ZCCHC14: variants seen among roughly 807,000 people sequenced by gnomAD.
ZCCHC14 encodes zinc finger CCHC-type containing 14, also known as zinc finger CCHC domain-containing protein 14.
ZCCHC14 carries 16 observed loss-of-function variants against 85.0 expected under a neutral mutation model. The ratio of observed to expected loss-of-function variants is 0.19; its 90% CI spans 0.13 to 0.29. ZCCHC14 has a LOEUF of 0.29. ZCCHC14 is among the 10% of genes least tolerant of loss of function. The pLI, the probability that ZCCHC14 is intolerant of heterozygous loss-of-function variation, is 1.00. For synonymous variants in ZCCHC14, 775 were observed against 630.7 expected (o/e 1.23, Z -3.43); for missense variants, 1,303 against 1,443.5 (o/e 0.90, Z 1.58).
chr16:87,492,907 C>A lies in ZCCHC14; in HGVS notation c.-669G>T, dbSNP rs1912841679. Among the ~76,000 whole-genome samples, 2 of 147,986 alleles carry A rather than the reference C, an allele frequency of 1.4e-5. No individual in the cohort carries two copies. The highest frequency in any genetic ancestry group is 2.5e-5 in the African/African-American group (1 of 40,512). On this transcript the variant is annotated 5_prime_UTR_variant, in exon 1 of 13. Coordinates refer to ENST00000671377, the MANE Select transcript of ZCCHC14 (RefSeq NM_015144.3). This position sits in a 1 kb window ranked among gnomAD's most constrained non-coding sequence, Gnocchi z 6.7. The stretch of plus-strand genomic sequence containing the variant: ...CGCGGCGGACGGATCCGGGCCCGAG[C>A]GCGGCGGCGGCGGCGACGGCGACGG...
At chr16:87,455,928 G>A (rs1287501373) in intron 2 of ZCCHC14, among the ~76,000 whole-genome samples, 1 of 152,166 alleles carries the variant, frequency 6.6e-6, no homozygotes, top group African/African-American at 2.4e-5. Flanking sequence ...TTTAAGGTAG[G>A]CTAGGCTAAG....
intron 1 of ZCCHC14, among the ~76,000 whole-genome samples, chr16:87,476,018 G>A (rs1259644130): frequency 6.6e-6 from 1 of 152,094 alleles, no homozygotes; most frequent in African/African-American, 2.4e-5. Flanking sequence ...TGTGAGCACA[G>A]GGGAGCAGCC....
At position 87,412,798 on chromosome 16, in the gene ZCCHC14, G is replaced by C. The variant is rs758072903; in HGVS notation, c.1923C>G (p.Ile641Met). 2 of 1,613,270 alleles carry C rather than the reference G, an allele frequency of 1.2e-6. No homozygotes were observed. Among genetic ancestry groups the C allele is most frequent in the African/African-American group, 1.3e-5 (1 of 75,042 alleles). Reference sequence around the variant, plus strand: ...CGGAATTCAGCATGCGGATGGGTGTGATGTGTGAGGCTGCGCTCAGCATCT... The same window carrying C: ...CGGAATTCAGCATGCGGATGGGTGTCATGTGTGAGGCTGCGCTCAGCATCT... ...PPQMLSAASHITPIRMLNSVH... is the reference protein window; with the variant it reads ...PPQMLSAASHMTPIRMLNSVH... Residue 641 changes from isoleucine (I) to methionine (M), a missense_variant, in exon 12 of 13, where the codon ATC becomes ATG. Ile to Met is a conservative substitution (Grantham distance 10, BLOSUM62 1). Around this residue, in one of 7 missense-constraint regions of ZCCHC14, gnomAD observed 797 missense variants for 730.8 expected, o/e 1.09. Transcript: ENST00000671377.
At chr16:87,467,690 C>T (rs534478665) in intron 1 of ZCCHC14, 36 of 770,248 alleles carry the variant, frequency 4.7e-5, no homozygotes, top group Admixed American at 5.5e-5. Context: ...CTCGCTCTGT[C>T]GCCCAGGCTG....
chr16:87,453,577 G>T (rs983564964), intron 2 of ZCCHC14, among the ~76,000 whole-genome samples: 1 of 152,224 alleles, frequency 6.6e-6, no homozygotes, highest in Non-Finnish European at 1.5e-5. Context: ...CCCCAGCCAC[G>T]GTGGAGGGCC....
intron 4 of ZCCHC14, among the ~76,000 whole-genome samples, chr16:87,422,078 G>A (rs934447878): frequency 5.3e-5 from 8 of 152,174 alleles, no homozygotes; most frequent in African/African-American, 1.2e-4. Flanking sequence ...TAGTGAAAAC[G>A]ACAATATGCA....
chr16:87,477,823 G>A (rs1280176367), intron 1 of ZCCHC14, among the ~76,000 whole-genome samples: 2 of 116,216 alleles, frequency 1.7e-5, no homozygotes, highest in African/African-American at 3.3e-5. Context: ...ACACTCACAC[G>A]CCTCCACGCA....
At chr16:87,430,253 T>C (rs1173752738) in intron 3 of ZCCHC14, among the ~76,000 whole-genome samples, 2 of 152,174 alleles carry the variant, frequency 1.3e-5, no homozygotes, top group Non-Finnish European at 2.9e-5. Flanking sequence ...GGCTTGCTTC[T>C]CCTGCATACG....
At chr16:87,438,126 G>C (rs1481646326) in intron 2 of ZCCHC14, among the ~76,000 whole-genome samples, 1 of 152,236 alleles carries the variant, frequency 6.6e-6, no homozygotes, top group African/African-American at 2.4e-5. Context: ...TAGCTTAGGA[G>C]AAACTCCAAA....
intron 2 of ZCCHC14, among the ~76,000 whole-genome samples, chr16:87,458,048 C>T (rs1911060723): frequency 1.3e-5 from 2 of 151,072 alleles, no homozygotes; most frequent in African/African-American, 4.9e-5. Context: ...CTCTGGGCAC[C>T]AAAGCATGCA....
chr16:87,479,291 C>G (rs1246285730), intron 1 of ZCCHC14, among the ~76,000 whole-genome samples: 3 of 151,932 alleles, frequency 2.0e-5, no homozygotes, highest in South Asian at 2.1e-4. Flanking sequence ...TGGCGGGTGC[C>G]TGTAATCCCA....
At chr16:87,485,932 G>C (rs2334189) in intron 1 of ZCCHC14, among the ~76,000 whole-genome samples, 1 of 152,000 alleles carries the variant, frequency 6.6e-6, no homozygotes, top group Non-Finnish European at 1.5e-5. Flanking sequence ...CCTATCTCCA[G>C]TTATCTTCGC....
Position 87,491,669 on chromosome 16 carries a change from CT to C in ZCCHC14, c.569del (p.Lys190ArgfsTer37). ...GALPTCPACH[K>X]ITPRTEAPVS... is the part of the protein sequence containing the mutation. Reference sequence around the variant, plus strand: ...GGCAGAGCTCGGGGCGGGCACGCACCTTGTGGCAGGCTGGGCAAGTGGGCAG... The same window carrying C: ...GGCAGAGCTCGGGGCGGGCACGCACCTGTGGCAGGCTGGGCAAGTGGGCAG... On this transcript the variant is annotated frameshift_variant and splice_region_variant, in exon 1 of 13. Coordinates refer to ENST00000671377, the MANE Select transcript of ZCCHC14 (RefSeq NM_015144.3). LOFTEE classifies it high-confidence loss of function. This position sits in a 1 kb window ranked among gnomAD's most constrained non-coding sequence, Gnocchi z 5.9. 1 of 1,416,596 alleles carries C rather than the reference CT, an allele frequency of 7.1e-7. No homozygotes were observed. Among genetic ancestry groups the C allele is most frequent in the Non-Finnish European group, 9.2e-7 (1 of 1,091,598 alleles). 87.8% of individuals were successfully genotyped at this position (1,416,596 alleles called of 1,614,324 possible).
At chr16:87,410,964 C>T (rs1347045511) in intron 12 of ZCCHC14, among the ~76,000 whole-genome samples, 1 of 152,204 alleles carries the variant, frequency 6.6e-6, no homozygotes, top group Non-Finnish European at 1.5e-5. Flanking sequence ...CCAAAACAGA[C>T]AGCAAGAAGA....
intron 7 of ZCCHC14, among the ~76,000 whole-genome samples, chr16:87,418,611 G>C (rs1043031517): frequency 6.6e-6 from 1 of 152,214 alleles, no homozygotes; most frequent in Non-Finnish European, 1.5e-5. Context: ...CTACGTCTAT[G>C]ATGGGGCCCA....
chr16:87,456,720 A>C (rs1480161262), intron 2 of ZCCHC14, among the ~76,000 whole-genome samples: 1 of 152,026 alleles, frequency 6.6e-6, no homozygotes, highest in East Asian at 1.9e-4. Flanking sequence ...ACATTCATTT[A>C]AAATAATTTT....
rs60817141 is a variant in ZCCHC14, at chr16:87,456,533, C to CAAAAAAAAAAAAAAA, written c.694+3460_694+3474dup. On this transcript the variant is annotated intron_variant, in intron 2 of 12. Coordinates refer to ENST00000671377, the MANE Select transcript of ZCCHC14 (RefSeq NM_015144.3). ...GGGCGACAGAGCAAGACTCTGTCTC[C>CAAAAAAAAAAAAAAA]AAAAAAAAAAAAAAAAAAAAAAAAA... 4.7e-5 allele frequency among the ~76,000 whole-genome samples: 3 copies of CAAAAAAAAAAAAAAA among 63,372 alleles called. 1 individual carries two copies. Among genetic ancestry groups the CAAAAAAAAAAAAAAA allele is most frequent in the Non-Finnish European group, 8.9e-5 (3 of 33,812 alleles). 41.6% of individuals were successfully genotyped at this position (63,372 alleles called of 152,430 possible).
chr16:87,446,030 G>A (rs546817945), intron 2 of ZCCHC14, among the ~76,000 whole-genome samples: 31 of 152,016 alleles, frequency 2.0e-4, no homozygotes, highest in Non-Finnish European at 2.9e-4. Context: ...GGCCAGGCAC[G>A]GTGGCACATG....
At chr16:87,445,735 G>C (rs576006058) in intron 2 of ZCCHC14, among the ~76,000 whole-genome samples, 9 of 152,284 alleles carry the variant, frequency 5.9e-5, no homozygotes, top group African/African-American at 7.2e-5. Flanking sequence ...ATCTGGCCAA[G>C]AACTGAAGAC....
Sources: gnomAD v4.1 joint callset for allele counts (sites outside exome capture counted in the v4.1 genomes callset) on GRCh38, gnomAD v4.1.1 for gene constraint, gnomAD v4.1.1 regional missense constraint, Gnocchi (gnomAD v3.1) non-coding constraint, MANE v1.5 for transcripts, NCBI Gene and HGNC (gene_info 2026-07-23, HGNC 2026-07-21) for gene names.